The following ADAMTSL3 variants were observed in gnomAD, a reference collection of about 807,000 sequenced individuals.
ADAMTSL3 encodes ADAMTS-like protein 3.
A neutral mutation model predicts 201.7 loss-of-function variants in ADAMTSL3; 128 were observed. The observed-to-expected ratio is 0.63, with a 90% CI of 0.55 to 0.73. The LOEUF (loss-of-function observed/expected upper bound fraction) is 0.73. Ranked by LOEUF, ADAMTSL3 falls within the 30% of genes least tolerant of loss-of-function variation. ADAMTSL3 has a pLI of 0.00. For synonymous variants in ADAMTSL3, 738 were observed against 748.4 expected (o/e 0.99, Z 0.23); for missense variants, 1,990 against 2,119.6 (o/e 0.94, Z 1.20).
intron 2 of ADAMTSL3, among the ~76,000 whole-genome samples, chr15:83,668,184 T>C (rs887072940): frequency 3.3e-5 from 5 of 151,902 alleles, no homozygotes; most frequent in African/African-American, 1.2e-4. Flanking sequence ...AACAAAAATA[T>C]ACAAATGGTG....
chr15:83,953,319 A>T (rs138292626), intron 19 of ADAMTSL3, among the ~76,000 whole-genome samples: 2 of 151,698 alleles, frequency 1.3e-5, no homozygotes, highest in African/African-American at 4.8e-5. Flanking sequence ...TTTTGATTTG[A>T]GATTACCATG....
intron 10 of ADAMTSL3, among the ~76,000 whole-genome samples, chr15:83,889,848 G>A (rs1190835013): frequency 6.6e-6 from 1 of 152,158 alleles, no homozygotes; most frequent in African/African-American, 2.4e-5. Context: ...AGTCATCTGA[G>A]AAGAACCTGA....
chr15:83,864,917 C>T (rs185654757), intron 8 of ADAMTSL3, among the ~76,000 whole-genome samples: 5 of 152,272 alleles, frequency 3.3e-5, no homozygotes, highest in Admixed American at 3.3e-4. Flanking sequence ...TCAGCAAAGT[C>T]TCAGGATACA....
intron 3 of ADAMTSL3, among the ~76,000 whole-genome samples, chr15:83,730,821 G>A (rs1374045500): frequency 6.6e-6 from 1 of 151,884 alleles, no homozygotes; most frequent in Non-Finnish European, 1.5e-5. Context: ...TGAGGTTTTG[G>A]TGTCATATTT....
intron 15 of ADAMTSL3, among the ~76,000 whole-genome samples, chr15:83,901,527 T>C (rs988180089): frequency 2.0e-5 from 3 of 152,156 alleles, no homozygotes; most frequent in Non-Finnish European, 4.4e-5. Flanking sequence ...ATTGTGGATA[T>C]TTCAGAAATA....
chr15:84,029,916 G>A (rs1271026124), intron 27 of ADAMTSL3, among the ~76,000 whole-genome samples: 1 of 152,262 alleles, frequency 6.6e-6, no homozygotes, highest in Non-Finnish European at 1.5e-5. Context: ...TTGCTTCAGA[G>A]GGCGCAAGCC....
intron 10 of ADAMTSL3, 93 bp from the exon 11 acceptor site, chr15:83,890,016 A>G (rs2065472659): frequency 7.1e-7 from 1 of 1,414,290 alleles, no homozygotes. Flanking sequence ...AGTTTCTTAA[A>G]GAGGAAAAAA....
chr15:84,013,683 A>G (rs1236106076), intron 23 of ADAMTSL3, among the ~76,000 whole-genome samples: 1 of 152,114 alleles, frequency 6.6e-6, no homozygotes. Flanking sequence ...TGAGGAAGGG[A>G]GGGTCACTTG....
intron 7 of ADAMTSL3, among the ~76,000 whole-genome samples, chr15:83,855,810 T>C (rs1567192271): frequency 6.6e-6 from 1 of 152,172 alleles, no homozygotes; most frequent in Non-Finnish European, 1.5e-5. Context: ...TTCAGAAGTC[T>C]TTATCACTTT....
At chr15:84,032,741 G>T (rs1292896749) in intron 28 of ADAMTSL3, among the ~76,000 whole-genome samples, 1 of 151,984 alleles carries the variant, frequency 6.6e-6, no homozygotes, top group Non-Finnish European at 1.5e-5. Flanking sequence ...TTAATATTCT[G>T]TTGCTAATGG....
chr15:83,820,403 A>G (rs1207332708), intron 6 of ADAMTSL3, among the ~76,000 whole-genome samples: 2 of 152,146 alleles, frequency 1.3e-5, no homozygotes, highest in African/African-American at 4.8e-5. Flanking sequence ...TCTAACTTGA[A>G]CAAGCATCAG....
At chr15:83,864,190 A>G (rs963806632) in intron 8 of ADAMTSL3, among the ~76,000 whole-genome samples, 15 of 152,372 alleles carry the variant, frequency 9.8e-5, no homozygotes, top group Non-Finnish European at 1.9e-4. Flanking sequence ...AAGTACAAGG[A>G]GGAGCTGGTA....
chr15:83,773,698 T>G, intron 4 of ADAMTSL3, 48 bp downstream of exon 4: 1 of 1,580,308 alleles, frequency 6.3e-7, no homozygotes, highest in East Asian at 2.2e-5. Flanking sequence ...TGCCAGTGCC[T>G]CTGGATGGGT....
At chr15:83,780,131 C>T (rs922755689) in intron 4 of ADAMTSL3, among the ~76,000 whole-genome samples, 5 of 152,096 alleles carry the variant, frequency 3.3e-5, no homozygotes, top group East Asian at 1.9e-4. Flanking sequence ...ATCAATGAGC[C>T]GGGTGTAGTG....
chr15:83,910,151 G>T (rs1487257006), intron 15 of ADAMTSL3, among the ~76,000 whole-genome samples: 2 of 152,006 alleles, frequency 1.3e-5, no homozygotes, highest in Admixed American at 1.3e-4. Flanking sequence ...TTTCACAGTT[G>T]GTTTCCATTT....
chr15:83,664,005 G>A (rs923022527), intron 2 of ADAMTSL3, among the ~76,000 whole-genome samples: 11 of 151,892 alleles, frequency 7.2e-5, no homozygotes, highest in African/African-American at 2.2e-4. Flanking sequence ...TTGCCCTCCC[G>A]TCTGTCCCTC....
chr15:83,989,759 C>T (rs1385039933), intron 22 of ADAMTSL3, among the ~76,000 whole-genome samples: 3 of 152,206 alleles, frequency 2.0e-5, no homozygotes, highest in African/African-American at 4.8e-5. Context: ...ATATCAAAAT[C>T]CAAAGAAAAT....
At position 83,982,783 on chromosome 15, in the gene ADAMTSL3, A is replaced by G; in HGVS notation, c.3155A>G (p.Asn1052Ser). 2 of 1,614,172 alleles carry G rather than the reference A, an allele frequency of 1.2e-6. No homozygotes were observed. Among genetic ancestry groups the G allele is most frequent in the Non-Finnish European group, 1.7e-6 (2 of 1,180,040 alleles). Reference protein sequence around the residue: ...DLYLDDDHISNQPFLRALLGH... With the variant: ...DLYLDDDHISSQPFLRALLGH... ...TATCTGGATGATGACCACATTAGTA[A>G]CCAGCCTTTCTTGAGAGCTCTGTTA... is the stretch of plus-strand genomic sequence containing the variant. The change falls in exon 21 of 30, where the codon AAC (asparagine) becomes AGC (serine). Residue 1052 changes from asparagine to serine, a missense_variant. Physicochemically the swap from Asn to Ser is conservative, Grantham distance 46. Coordinates refer to ENST00000286744, the MANE Select transcript of ADAMTSL3 (RefSeq NM_207517.3).
intron 3 of ADAMTSL3, among the ~76,000 whole-genome samples, chr15:83,717,983 C>A (rs116331268): frequency 0.014 from 2,141 of 152,038 alleles, 40 homozygotes; most frequent in African/African-American, 0.049. Context: ...CTTGAAAATC[C>A]GTATTCTTGA....
Sources: gnomAD v4.1 joint callset for allele counts (sites outside exome capture counted in the v4.1 genomes callset) on GRCh38, gnomAD v4.1.1 for gene constraint, MANE v1.5 for transcripts, NCBI Gene and HGNC (gene_info 2026-07-23, HGNC 2026-07-21) for gene names.